Variants in HNF4G observed in about 807,000 individuals in gnomAD.
HNF4G encodes the protein hepatocyte nuclear factor 4 gamma.
A neutral mutation model predicts 50.9 loss-of-function variants in HNF4G; 21 were observed. The observed-to-expected ratio is 0.41, with a 90% CI of 0.29 to 0.59. HNF4G has a LOEUF of 0.59. Among genes scored for constraint, HNF4G ranks in the 20% least tolerant of loss-of-function variants. The pLI is 0.26. For synonymous variants in HNF4G, 198 were observed against 185.6 expected (o/e 1.07, Z -0.54); for missense variants, 527 against 559.4 (o/e 0.94, Z 0.58).
Position 75,547,650 on chromosome 8 carries a change from A to G in HNF4G, c.351A>G (p.Arg117=), listed in dbSNP as rs148698401. The G allele has an allele frequency of 1.9e-6, 3 of 1,609,790 alleles. No individual in the cohort carries two copies. Among genetic ancestry groups the G allele is most frequent in the Non-Finnish European group, 2.6e-6 (3 of 1,176,286 alleles). ...KRNQCRYCRL[R]KCFRAGMKKE... is the part of the protein sequence containing the mutation. ...ATCAATGTAGATATTGTCGATTAAG[A>G]AAGTGTTTTAGAGCGGGAATGAAAA... Residue 117 remains arginine, a synonymous_variant, in exon 3 of 10, where the codon AGA becomes AGG. Coordinates refer to ENST00000396423, the MANE Select transcript of HNF4G (RefSeq NM_004133.5).
At chr8:75,479,269 G>T (rs906902148) in intron 1 of HNF4G, among the ~76,000 whole-genome samples, 1 of 152,120 alleles carries the variant, frequency 6.6e-6, no homozygotes, top group East Asian at 1.9e-4. Flanking sequence ...TGAAGTTAGT[G>T]GATTCGTGCA....
intron 3 of HNF4G, among the ~76,000 whole-genome samples, chr8:75,549,474 G>A (rs1806881564): frequency 6.7e-6 from 1 of 150,230 alleles, no homozygotes; most frequent in Non-Finnish European, 1.5e-5. Flanking sequence ...AAAACAAAAA[G>A]AGCAAGCTAC....
In HNF4G at chr8:75,560,477, A is replaced by G. The variant is rs769677298; in HGVS notation, c.1246+11A>G. On this transcript the variant is annotated intron_variant, in intron 9 of 9. Transcript: ENST00000396423. ...ATGCAGACCAGATCTGTAAGTTTAT[A>G]GACTACTTTTCAACCAAGATATTTC... is the stretch of plus-strand genomic sequence containing the variant. 3 of 1,603,982 alleles carry G rather than the reference A, an allele frequency of 1.9e-6. No individual in the cohort carries two copies. The South Asian group carries it at 3.4e-5, about 18-fold the overall frequency.
chr8:75,504,234 C>G (rs1585902513), intron 2 of HNF4G, among the ~76,000 whole-genome samples: 1 of 72,782 alleles, frequency 1.4e-5, no homozygotes, highest in Non-Finnish European at 2.5e-5. Flanking sequence ...CACACAGACA[C>G]ACACACACAC....
chr8:75,448,487 TA>T (rs36100694), intron 1 of HNF4G, among the ~76,000 whole-genome samples: 138 of 105,862 alleles, frequency 1.3e-3, no homozygotes, highest in East Asian at 2.7e-3. Context: ...AAGACCTCTT[TA>T]AAAAAAAAAA....
intron 6 of HNF4G, among the ~76,000 whole-genome samples, chr8:75,557,151 C>T (rs906891253): frequency 6.6e-6 from 1 of 152,056 alleles, no homozygotes; most frequent in Non-Finnish European, 1.5e-5. Context: ...ACCTAGAAAA[C>T]AAAATGCCTA....
chr8:75,443,609 C>T (rs1282222836), intron 1 of HNF4G, among the ~76,000 whole-genome samples: 2 of 152,224 alleles, frequency 1.3e-5, no homozygotes, highest in Admixed American at 6.5e-5. Flanking sequence ...AATTCTTCCA[C>T]CTTAGTCACC....
intron 2 of HNF4G, among the ~76,000 whole-genome samples, chr8:75,526,105 AATTT>A (rs34542534): frequency 0.22 from 31,882 of 143,552 alleles, 3,648 homozygotes; most frequent in African/African-American, 0.26. Context: ...TACTTGCTCA[AATTT>A]ATTTATTTAT....
At chr8:75,437,560 A>T (rs1442618052) in intron 1 of HNF4G, among the ~76,000 whole-genome samples, 1 of 152,178 alleles carries the variant, frequency 6.6e-6, no homozygotes, top group East Asian at 1.9e-4. Flanking sequence ...CTTTTATAAA[A>T]TGTGACAAAA....
chr8:75,538,454 A>G (rs1368798198), upstream of HNF4G, among the ~76,000 whole-genome samples: 3 of 151,800 alleles, frequency 2.0e-5, no homozygotes, highest in African/African-American at 4.8e-5. Context: ...CTGTTGGGAC[A>G]CTCCCGTCAG....
chr8:75,408,801 G>T (rs943445451), intron 1 of HNF4G, among the ~76,000 whole-genome samples: 2 of 152,206 alleles, frequency 1.3e-5, no homozygotes, highest in African/African-American at 4.8e-5. Flanking sequence ...TTCACTTGCG[G>T]GCAAGGGCAA....
intron 1 of HNF4G, among the ~76,000 whole-genome samples, chr8:75,441,296 A>T (rs1174062149): frequency 6.6e-6 from 1 of 151,844 alleles, no homozygotes; most frequent in Non-Finnish European, 1.5e-5. Flanking sequence ...CCCAGGCTAA[A>T]GTGCAATGGC....
intron 2 of HNF4G, among the ~76,000 whole-genome samples, chr8:75,518,194 T>G (rs1208594375): frequency 1.5e-5 from 2 of 136,452 alleles, no homozygotes; most frequent in African/African-American, 5.5e-5. Flanking sequence ...TGTGTCCGTG[T>G]GTTCTCATTG....
chr8:75,527,971 A>G (rs1008703496), intron 2 of HNF4G, among the ~76,000 whole-genome samples: 2 of 152,160 alleles, frequency 1.3e-5, no homozygotes, highest in Non-Finnish European at 2.9e-5. Context: ...TTCTACTTCA[A>G]TTTTTTGTCT....
At chr8:75,482,530 C>T (rs561359377) in intron 1 of HNF4G, among the ~76,000 whole-genome samples, 1 of 152,100 alleles carries the variant, frequency 6.6e-6, no homozygotes, top group Non-Finnish European at 1.5e-5. Context: ...CCATGCTCAG[C>T]TAATTTTTGT....
At chr8:75,532,325 A>G (rs1482728117) in intron 2 of HNF4G, among the ~76,000 whole-genome samples, 1 of 151,802 alleles carries the variant, frequency 6.6e-6, no homozygotes, top group South Asian at 2.1e-4. Context: ...TTCTTTCCCT[A>G]TTGTAAATAC....
intron 4 of HNF4G, among the ~76,000 whole-genome samples, chr8:75,552,706 T>C (rs1055576047): frequency 6.6e-6 from 1 of 152,152 alleles, no homozygotes; most frequent in Admixed American, 6.5e-5. Flanking sequence ...ATACTATCTA[T>C]CTATTTTTAT....
At position 75,543,827 on chromosome 8, in the gene HNF4G, G is replaced by A; in HGVS notation, c.135G>A (p.Glu45=). The change falls in exon 2 of 10, where the codon GAG becomes GAA. Residue 45 remains glutamate (E), a synonymous_variant. Coordinates refer to ENST00000396423, the MANE Select transcript of HNF4G (RefSeq NM_004133.5). ...TATTGACAGATAGTTCTGCCCCAGA[G>A]ACAAGTATGAATACCACAGACAACG... ...LYNSSDSSAP[E]TSMNTTDNGV... 2.5e-6 allele frequency: 4 copies of A among 1,611,906 alleles called. No individual in the cohort carries two copies. The highest frequency in any genetic ancestry group is 3.4e-6 in the Non-Finnish European group (4 of 1,179,024).
In HNF4G at chr8:75,508,086, A is replaced by C. The variant is rs75919187; in HGVS notation, c.-24+17878A>C. 5.7e-3 allele frequency among the ~76,000 whole-genome samples: 873 copies of C among 152,302 alleles called. 49 individuals carry two copies. In the East Asian group the frequency reaches 0.14, roughly 25 times the overall value. Reference sequence around the variant, plus strand: ...GTATCAATGGCTAAACAACATTATAAGAATACAATGATGTCGTTGGAACAG... The same window carrying C: ...GTATCAATGGCTAAACAACATTATACGAATACAATGATGTCGTTGGAACAG... On this transcript the variant is annotated intron_variant, in intron 2 of 10. Transcript: ENST00000354370.
Sources: allele counts gnomAD v4.1 joint callset (sites outside exome capture counted in the v4.1 genomes callset), GRCh38; gene constraint gnomAD v4.1.1; transcripts MANE v1.5; gene names NCBI Gene and HGNC (gene_info 2026-07-23, HGNC 2026-07-21).